Variants in CALN1 observed in about 807,000 individuals in gnomAD.
CALN1 encodes the protein calcium-binding protein 8.
In CALN1, 17 loss-of-function variants were observed where a neutral mutation model predicts 30.6. That is an observed-to-expected ratio of 0.56 (90% CI 0.38 to 0.83). The LOEUF (loss-of-function observed/expected upper bound fraction) is 0.83. CALN1 is among the 40% of genes least tolerant of loss of function. The probability of loss-of-function intolerance (pLI) is 0.00; values close to 1 mark genes in which losing one functional copy is unlikely to be tolerated. For synonymous variants in CALN1, 156 were observed against 131.4 expected, an observed-to-expected ratio of 1.19 and a Z score of -1.28; for missense variants, 291 against 354.9, an observed-to-expected ratio of 0.82 and a Z score of 1.45.
At chr7:72,222,190 C>T (rs894410301) in intron 3 of CALN1, among the ~76,000 whole-genome samples, 4 of 151,558 alleles carry the variant, frequency 2.6e-5, no homozygotes, top group East Asian at 2.0e-4. Context: ...TGTGCCCCTG[C>T]GCTCCAGTCT....
chr7:71,839,176 A>G (rs546440056), intron 5 of CALN1, among the ~76,000 whole-genome samples: 2 of 151,864 alleles, frequency 1.3e-5, no homozygotes, highest in South Asian at 4.2e-4. Flanking sequence ...CCCCCTTTAA[A>G]CTCTAGGTAT....
intron 2 of CALN1, among the ~76,000 whole-genome samples, chr7:72,379,189 G>A (rs1804745700): frequency 6.6e-6 from 1 of 151,972 alleles, no homozygotes; most frequent in Admixed American, 6.6e-5. Context: ...GATTACAGTG[G>A]TGTGATCACA....
chr7:72,246,805 G>A (rs993555659), intron 3 of CALN1, among the ~76,000 whole-genome samples: 4 of 136,016 alleles, frequency 2.9e-5, no homozygotes, highest in Admixed American at 2.5e-4. Context: ...CCCAGACTGG[G>A]GTGCTGTGGC....
intron 2 of CALN1, among the ~76,000 whole-genome samples, chr7:72,291,143 C>A (rs190421660): frequency 1.3e-5 from 2 of 152,040 alleles, no homozygotes; most frequent in Non-Finnish European, 2.9e-5. Flanking sequence ...AGGCTGGTTT[C>A]GAACTCCTGC....
At chr7:72,362,350 C>G (rs1803622741) in intron 2 of CALN1, among the ~76,000 whole-genome samples, 1 of 152,098 alleles carries the variant, frequency 6.6e-6, no homozygotes. Context: ...AGTTTTGTAG[C>G]TTACATATTT....
intron 3 of CALN1, among the ~76,000 whole-genome samples, chr7:72,278,004 A>C (rs1797449781): frequency 4.9e-5 from 2 of 40,848 alleles, no homozygotes; most frequent in South Asian, 2.2e-3. Flanking sequence ...CTAATCCTCT[A>C]TTCCGGGGGG....
chr7:71,839,691 C>T (rs1455095098), intron 5 of CALN1, among the ~76,000 whole-genome samples: 1 of 152,196 alleles, frequency 6.6e-6, no homozygotes, highest in Admixed American at 6.5e-5. Flanking sequence ...AACTCAGCCC[C>T]TCTCCATGGC....
intron 3 of CALN1, among the ~76,000 whole-genome samples, chr7:72,107,130 A>G (rs1467180033): frequency 6.6e-6 from 1 of 152,126 alleles, no homozygotes; most frequent in Non-Finnish European, 1.5e-5. Context: ...CCCAGCAGAG[A>G]ATCATGTTAA....
chr7:71,798,067 GAGAGAGAGAGACAGAGAGAGAC>G (rs56029238), intron 6 of CALN1, among the ~76,000 whole-genome samples: 4,510 of 135,858 alleles, frequency 0.033, 363 homozygotes, highest in East Asian at 0.089. Context: ...GAGACAGAGA[GAGAGAGAGAGACAGAGAGAGAC>G]AGAGAGAGAG....
intron 2 of CALN1, among the ~76,000 whole-genome samples, chr7:72,381,706 T>C (rs965054254): frequency 6.6e-6 from 1 of 151,862 alleles, no homozygotes; most frequent in Non-Finnish European, 1.5e-5. Flanking sequence ...GTCAGGGGCA[T>C]GGGGGCAAGG....
At chr7:72,209,338 CTCTTTCCT>C (rs1562740268) in intron 3 of CALN1, among the ~76,000 whole-genome samples, 15 of 16,974 alleles carry the variant, frequency 8.8e-4, no homozygotes, top group Non-Finnish European at 1.3e-3. Flanking sequence ...CTTTCCTTCC[CTCTTTCCT>C]TCCCTCCTTC....
At chr7:72,146,740 A>G (rs568686914) in intron 3 of CALN1, among the ~76,000 whole-genome samples, 134 of 152,374 alleles carry the variant, frequency 8.8e-4, no homozygotes, top group African/African-American at 2.9e-3. Flanking sequence ...TACAGTAACC[A>G]AAACAGCATG....
intron 3 of CALN1, among the ~76,000 whole-genome samples, chr7:72,252,624 AAGAC>A (rs1026795669): frequency 3.3e-5 from 5 of 151,152 alleles, no homozygotes; most frequent in African/African-American, 4.9e-5. Flanking sequence ...AAAAAAAAGA[AAGAC>A]AGAGGAAGGA....
In CALN1 at chr7:72,011,146, C is replaced by T. The variant is rs139122159; in HGVS notation, c.501+12511G>A. Reference sequence around the variant, plus strand: ...CCAGCCTGGCGACAGAGTGAGATTCCGTCAAAAAAAAAAGAAAAAAAACAA... The same window carrying T: ...CCAGCCTGGCGACAGAGTGAGATTCTGTCAAAAAAAAAAGAAAAAAAACAA... On this transcript the variant is annotated intron_variant, in intron 5 of 6. Transcript: ENST00000395275. Among the ~76,000 whole-genome samples the T allele has an allele frequency of 6.8e-3, 998 of 146,640 alleles. 8 individuals are homozygous for T. The highest frequency in any genetic ancestry group is 0.025 in the African/African-American group (972 of 39,612).
intron 5 of CALN1, among the ~76,000 whole-genome samples, chr7:72,003,234 T>C (rs1329699869): frequency 6.6e-6 from 1 of 152,216 alleles, no homozygotes; most frequent in African/African-American, 2.4e-5. Context: ...ACATGTTACA[T>C]TCACTCCAAA....
At chr7:71,789,551 G>A (rs970802216) in intron 6 of CALN1, among the ~76,000 whole-genome samples, 4 of 152,136 alleles carry the variant, frequency 2.6e-5, no homozygotes, top group Admixed American at 2.0e-4. Context: ...GGGAAGTGGG[G>A]ATTGCTTGCT....
At chr7:71,981,410 T>A (rs1441042671) in intron 5 of CALN1, among the ~76,000 whole-genome samples, 1 of 152,062 alleles carries the variant, frequency 6.6e-6, no homozygotes, top group Admixed American at 6.6e-5. Context: ...TGGTGGTTCA[T>A]GCCTGCAATC....
At chr7:72,399,032 G>C (rs1256670825) in intron 2 of CALN1, among the ~76,000 whole-genome samples, 1 of 152,062 alleles carries the variant, frequency 6.6e-6, no homozygotes. Context: ...TCACTCCCTT[G>C]TGAGAACTTT....
chr7:72,055,647 T>TTA (rs879504463), intron 4 of CALN1, among the ~76,000 whole-genome samples: 2 of 152,150 alleles, frequency 1.3e-5, no homozygotes, highest in South Asian at 2.1e-4. Context: ...ATACTGTACT[T>TTA]TATATAGCTG....
Sources: allele counts gnomAD v4.1 joint callset (sites outside exome capture counted in the v4.1 genomes callset), GRCh38; gene constraint gnomAD v4.1.1; transcripts MANE v1.5; gene names NCBI Gene and HGNC (gene_info 2026-07-23, HGNC 2026-07-21).